HJV: variants seen among roughly 807,000 people sequenced by gnomAD.
The protein encoded by HJV is hemojuvelin BMP co-receptor.
A neutral mutation model predicts 22.7 loss-of-function variants in HJV; 18 were observed. The observed-to-expected ratio is 0.79, with a 90% CI of 0.55 to 1.18. HJV has a LOEUF of 1.18. Ranked by LOEUF, HJV falls within the 50% of genes most tolerant of loss-of-function variation. HJV has a pLI of 0.00. For missense variants in HJV, 572 were observed against 553.0 expected (o/e 1.03, Z -0.34); for synonymous variants, 229 against 222.7 (o/e 1.03, Z -0.25).
chr1:146,018,397 A>AC lies in HJV; in HGVS notation c.960dup (p.Cys321ValfsTer21), dbSNP rs782590037. On this transcript the variant is annotated frameshift_variant, in exon 4 of 4. Transcript: ENST00000336751. LOFTEE classifies it high-confidence loss of function. ...CGAGAGAGTCGCTGACTTGGAGGGC[A>AC]CCCCCCAACACAGAGCTGCAGGTCC... 1.9e-6 allele frequency: 3 copies of AC among 1,613,768 alleles called. No homozygotes were observed. The highest frequency in any genetic ancestry group is 2.2e-5 in the South Asian group (2 of 91,046).
intron 3 of HJV, 124 bp downstream of exon 3, chr1:146,019,050 TG>T (rs782576152): frequency 5.7e-5 from 50 of 875,484 alleles, no homozygotes; most frequent in Non-Finnish European, 9.7e-5. Flanking sequence ...TGATTCGAGA[TG>T]GGGGAGAGGT....
chr1:146,018,752 C>A, intron 3 of HJV, 52 bp from the exon 4 acceptor site: 1 of 1,573,414 alleles, frequency 6.4e-7, no homozygotes, highest in South Asian at 1.1e-5. Flanking sequence ...GCATCTTCCC[C>A]CCAATCAGAC....
intron 3 of HJV, 97 bp from the exon 4 acceptor site, chr1:146,018,797 A>C: frequency 8.0e-7 from 1 of 1,257,638 alleles, no homozygotes; most frequent in Non-Finnish European, 1.2e-6. Flanking sequence ...CCAAGTAGAG[A>C]TGCAGGACTA....
Position 146,018,177 on chromosome 1 carries a change from A to G in HJV, c.1181T>C (p.Leu394Pro), listed in dbSNP as rs782168937. 1 of 1,614,148 alleles carries G rather than the reference A, an allele frequency of 6.2e-7. No individual in the cohort carries two copies. Among genetic ancestry groups the G allele is most frequent in the Non-Finnish European group, 8.5e-7 (1 of 1,179,998 alleles). Reference sequence around the variant, plus strand: ...CCCAGCATCTGAGGGGAAGAGATGCAGCTTCTCTAAGTCTGGCAGGAAGGC... The same window carrying G: ...CCCAGCATCTGAGGGGAAGAGATGCGGCTTCTCTAAGTCTGGCAGGAAGGC... ...ARAFLPDLEK[L>P]HLFPSDAGVP... Residue 394 changes from leucine (L) to proline (P), a missense_variant, in exon 4 of 4, where the codon CTG becomes CCG. Transcript: ENST00000336751.
rs1553769401 is a variant in HJV at position 146,018,272 on chromosome 1, G to A, written c.1086C>T (p.Val362=). The A allele has an allele frequency of 6.2e-7, 1 of 1,614,172 alleles. No individual in the cohort carries two copies. Among genetic ancestry groups the A allele is most frequent in the Non-Finnish European group, 8.5e-7 (1 of 1,180,032 alleles). ...GATCACCAGAAATTAAAACATCAAA[G>A]ACACAGGAATGGAAGTAAGCATCTT... is the stretch of plus-strand genomic sequence containing the variant. ...PVEDAYFHSC[V]FDVLISGDPN... Residue 362 remains valine, a synonymous_variant, in exon 4 of 4, where the codon GTC becomes GTT. Coordinates refer to ENST00000336751, the MANE Select transcript of HJV (RefSeq NM_213653.4).
intron 3 of HJV, 28 bp downstream of exon 3, chr1:146,019,147 G>A (rs1038359458): frequency 2.6e-6 from 4 of 1,552,400 alleles, no homozygotes; most frequent in Non-Finnish European, 3.6e-6. Flanking sequence ...CTCATGAGGT[G>A]GATCGGAAGG....
Position 146,019,403 on chromosome 1 carries a change from A to G in HJV, c.429T>C (p.Pro143=), listed in dbSNP as rs1553769706. The change falls in exon 3 of 4, where the codon CCT becomes CCC. Residue 143 remains proline, a synonymous_variant. Coordinates refer to ENST00000336751, the MANE Select transcript of HJV (RefSeq NM_213653.4). ...CTTCATAGTCACAAGGGTCCGGGGC[A>G]GGGAGGCCGGAGCCCGCGCCTGGAA... ...PALPGAGSGL[P]APDPCDYEGR... 1.9e-6 allele frequency: 3 copies of G among 1,613,172 alleles called. No homozygotes were observed. Among genetic ancestry groups the G allele is most frequent in the East Asian group, 2.2e-5 (1 of 44,872 alleles).
Position 146,018,204 on chromosome 1 carries a change from C to T in HJV, c.1154G>A (p.Arg385Gln), listed in dbSNP as rs376129674. The T allele has an allele frequency of 4.0e-5, 64 of 1,614,118 alleles. 1 individual carries two copies. The highest frequency in any genetic ancestry group is 2.0e-4 in the East Asian group (9 of 44,884). Residue 385 changes from arginine (R) to glutamine (Q), a missense_variant, in exon 4 of 4, where the codon CGA becomes CAA. By Grantham distance (43) the Arg-to-Gln change is conservative. Transcript: ENST00000336751. ...CTTCTCTAAGTCTGGCAGGAAGGCT[C>T]GGGCATCCTCCAGTGCTGCCTGAGC... is the stretch of plus-strand genomic sequence containing the variant. ...VAAQAALEDA[R>Q]AFLPDLEKLH...
Position 146,020,233 on chromosome 1 carries a change from C to G in HJV, c.-2G>C, listed in dbSNP as rs1454281990. 6.2e-7 allele frequency: 1 copy of G among 1,603,358 alleles called. No homozygotes were observed. Among genetic ancestry groups the G allele is most frequent in the Non-Finnish European group, 8.5e-7 (1 of 1,170,210 alleles). On this transcript the variant is annotated 5_prime_UTR_variant, in exon 2 of 4. Coordinates refer to ENST00000336751, the MANE Select transcript of HJV (RefSeq NM_213653.4). ...AGGGGACTGGCCTGGCTCCCCCATA[C>G]CTATCCAGCCAGGTTTCCCAGGCGC... is the stretch of plus-strand genomic sequence containing the variant.
At chr1:146,021,512 G>A (rs1290376745) in intron 1 of HJV, 75 bp downstream of exon 1, 1 of 152,624 alleles carries the variant, frequency 6.6e-6, no homozygotes, top group Non-Finnish European at 1.5e-5. Context: ...ATCCAAGTAG[G>A]TGTTTGTAAT....
At position 146,018,207 on chromosome 1, in the gene HJV, G is replaced by A. The variant is rs1652452608; in HGVS notation, c.1151C>T (p.Ala384Val). Residue 384 changes from alanine (A) to valine (V), a missense_variant, in exon 4 of 4, where the codon GCC (alanine) becomes GTC (valine). Physicochemically the swap from Ala to Val is moderately conservative, Grantham distance 64. Coordinates refer to ENST00000336751, the MANE Select transcript of HJV (RefSeq NM_213653.4). ...CTCTAAGTCTGGCAGGAAGGCTCGG[G>A]CATCCTCCAGTGCTGCCTGAGCTGC... ...TVAAQAALED[A>V]RAFLPDLEKL... 3.7e-6 allele frequency: 6 copies of A among 1,614,148 alleles called. No homozygotes were observed. The highest frequency in any genetic ancestry group is 5.1e-6 in the Non-Finnish European group (6 of 1,180,028).
In HJV at chr1:146,018,326, T is replaced by C; in HGVS notation, c.1032A>G (p.Arg344=). The part of the protein sequence containing the change: ...RRGAITIDTA[R]RLCKEGLPVE... ...CTGGAAGCCCTTCCTTGCACAGCCG[T>C]CTGGCAGTATCAATGGTTATAGCTC... is the stretch of plus-strand genomic sequence containing the variant. The change falls in exon 4 of 4, where the codon AGA becomes AGG. Residue 344 remains arginine, a synonymous_variant. Coordinates refer to ENST00000336751, the MANE Select transcript of HJV (RefSeq NM_213653.4). 6.2e-7 allele frequency: 1 copy of C among 1,614,204 alleles called. No individual in the cohort carries two copies. The highest frequency in any genetic ancestry group is 8.5e-7 in the Non-Finnish European group (1 of 1,180,034).
At chr1:146,019,890 A>G (rs1181414838) in intron 2 of HJV, among the ~76,000 whole-genome samples, 156 bp from the exon 3 acceptor site, 3 of 151,964 alleles carry the variant, frequency 2.0e-5, no homozygotes, top group African/African-American at 7.3e-5. Context: ...CCTAGTCCCT[A>G]GTTCTCTCGG....
At chr1:146,019,057 G>A (rs1273430100) in intron 3 of HJV, 118 bp downstream of exon 3, 2 of 902,018 alleles carry the variant, frequency 2.2e-6, no homozygotes, top group Non-Finnish European at 3.7e-6. Flanking sequence ...AGATGGGGGA[G>A]AGGTTGAGGA....
chr1:146,018,100 C>A lies in HJV; in HGVS notation c.1258G>T (p.Val420Phe). 6.2e-7 allele frequency: 1 copy of A among 1,614,078 alleles called. No homozygotes were observed. The highest frequency in any genetic ancestry group is 8.5e-7 in the Non-Finnish European group (1 of 1,180,034). The change falls in exon 4 of 4, where the codon GTT becomes TTT. Residue 420 changes from valine (V) to phenylalanine (F), a missense_variant. Transcript: ENST00000336751. ...CCTTACTGAATGCAAAGCCACAGAACAAAGAGCCCAGAAAGGAGTGGAGCT... is the reference window on the plus strand; with the variant it reads ...CCTTACTGAATGCAAAGCCACAGAAAAAAGAGCCCAGAAAGGAGTGGAGCT... ...LLAPLLSGLF[V>F]LWLCIQ
In HJV at chr1:146,019,411, C is replaced by G. The variant is rs1553769710; in HGVS notation, c.421G>C (p.Gly141Arg). The G allele has an allele frequency of 6.2e-7, 1 of 1,612,556 alleles. No homozygotes were observed. The highest frequency in any genetic ancestry group is 8.5e-7 in the Non-Finnish European group (1 of 1,179,508). Residue 141 changes from glycine (G) to arginine (R), a missense_variant, in exon 3 of 4, where the codon GGC becomes CGC. Coordinates refer to ENST00000336751, the MANE Select transcript of HJV (RefSeq NM_213653.4). ...RGPALPGAGS[G>R]LPAPDPCDYE... ...TCACAAGGGTCCGGGGCAGGGAGGC[C>G]GGAGCCCGCGCCTGGAAGGGCGGGG...
rs202101953 is a variant in HJV, at chr1:146,019,474, A to G, written c.358T>C (p.Ser120Pro). The part of the protein sequence containing the change: ...IEDLMIQHNC[S>P]RQGPTAPPPP... ...GGAGGGGCTGTAGGGCCCTGGCGGG[A>G]GCAGTTGTGCTGGATCATCAGGTCT... Residue 120 changes from serine (S) to proline (P), a missense_variant, in exon 3 of 4, where the codon TCC becomes CCC. Transcript: ENST00000336751. The G allele has an allele frequency of 6.2e-7, 1 of 1,612,678 alleles. No homozygotes were observed. Among genetic ancestry groups the G allele is most frequent in the South Asian group, 1.1e-5 (1 of 91,076 alleles).
At chr1:146,019,869 GC>G in intron 2 of HJV, 135 bp from the exon 3 acceptor site, 2 of 1,373,526 alleles carry the variant, frequency 1.5e-6, no homozygotes, top group African/African-American at 1.4e-5. Context: ...GCCTTCCCCA[GC>G]CCCCAACCCC....
Position 146,019,620 on chromosome 1 carries a change from C to T in HJV, c.212G>A (p.Gly71Asp). 2 of 1,613,712 alleles carry T rather than the reference C, an allele frequency of 1.2e-6. No homozygotes were observed. Among genetic ancestry groups the T allele is most frequent in the East Asian group, 4.5e-5 (2 of 44,850 alleles). ...ALRGGGGGGR[G>D]GGVGSGGLCR... ...GAGGCCGCCAGAGCCCACCCCTCCA[C>T]CCCGGCCTCCTCCTCCTCCTCCTCG... is the stretch of plus-strand genomic sequence containing the variant. The change falls in exon 3 of 4, where the codon GGT becomes GAT. Residue 71 changes from glycine to aspartate, a missense_variant. Gly to Asp is a moderately conservative substitution (Grantham distance 94). Transcript: ENST00000336751.
Sources: gnomAD v4.1 joint callset for allele counts (sites outside exome capture counted in the v4.1 genomes callset) on GRCh38, gnomAD v4.1.1 for gene constraint, MANE v1.5 for transcripts, NCBI Gene and HGNC (gene_info 2026-07-23, HGNC 2026-07-21) for gene names.